ITGB2: variants seen among roughly 807,000 people sequenced by gnomAD.
ITGB2 encodes integrin beta-2.
In ITGB2, 56 loss-of-function variants were observed where a neutral mutation model predicts 86.8. The ratio of observed to expected loss-of-function variants is 0.65; its 90% CI spans 0.52 to 0.81. ITGB2 has a LOEUF of 0.81. Ranked by LOEUF, ITGB2 falls within the 30% of genes least tolerant of loss-of-function variation. The probability of loss-of-function intolerance (pLI) is 0.00; values close to 1 mark genes in which losing one functional copy is unlikely to be tolerated. For missense variants in ITGB2, 948 were observed against 1,061.2 expected, an observed-to-expected ratio of 0.89 and a Z score of 1.48; for synonymous variants, 457 against 450.4, an observed-to-expected ratio of 1.01 and a Z score of -0.19.
At chr21:44,915,433 C>G (rs1469674444) in intron 1 of ITGB2, among the ~76,000 whole-genome samples, 1 of 152,186 alleles carries the variant, frequency 6.6e-6, no homozygotes, top group African/African-American at 2.4e-5. Flanking sequence ...CCTGCCTGTG[C>G]TGAAACCCAC....
At chr21:44,897,146 C>G (rs769155378) in intron 8 of ITGB2, among the ~76,000 whole-genome samples, 3 of 152,224 alleles carry the variant, frequency 2.0e-5, no homozygotes, top group Non-Finnish European at 4.4e-5. Context: ...GGTCCTGCTC[C>G]CACTCCAGAG....
At chr21:44,917,867 C>T (rs769063973) in intron 1 of ITGB2, among the ~76,000 whole-genome samples, 2 of 152,240 alleles carry the variant, frequency 1.3e-5, no homozygotes, top group African/African-American at 2.4e-5. Flanking sequence ...CTCTCAGACC[C>T]TGAATGGCCG....
intron 1 of ITGB2, among the ~76,000 whole-genome samples, chr21:44,916,282 C>G (rs1029130258): frequency 6.6e-6 from 1 of 151,230 alleles, no homozygotes. Context: ...AGACACCCCA[C>G]CCCCCCGACA....
At chr21:44,911,718 G>T (rs1339211815) in intron 1 of ITGB2, among the ~76,000 whole-genome samples, 1 of 152,222 alleles carries the variant, frequency 6.6e-6, no homozygotes, top group Non-Finnish European at 1.5e-5. Context: ...TCCACAGCCA[G>T]GGGCGGCTCA....
At chr21:44,910,403 G>A (rs377614767) in intron 2 of ITGB2, 31 bp from the exon 3 acceptor site, 58 of 1,613,714 alleles carry the variant, frequency 3.6e-5, no homozygotes, top group Non-Finnish European at 4.7e-5. Context: ...GTGAGTGGGT[G>A]CTCTGGGCCG....
intron 1 of ITGB2, chr21:44,927,621 C>T (rs1278904980): frequency 6.6e-6 from 1 of 152,386 alleles, no homozygotes; most frequent in Non-Finnish European, 1.5e-5. Context: ...CTTCTTCCCC[C>T]CAGTGACTTC....
chr21:44,899,305 C>T (rs112104886), intron 7 of ITGB2, 143 bp from the exon 8 acceptor site: 54 of 699,158 alleles, frequency 7.7e-5, no homozygotes, highest in African/African-American at 4.4e-4. Context: ...GAGGCTGCCA[C>T]GCAGGAGTGC....
In ITGB2 at chr21:44,886,367, C is replaced by T. The variant is rs368180990; in HGVS notation, c.*1G>A. On this transcript the variant is annotated 3_prime_UTR_variant, in exon 16 of 16. Coordinates refer to ENST00000652462, the MANE Select transcript of ITGB2 (RefSeq NM_000211.5). ...GACGGCCTTGTCTTCACCAAGTGCTCCTAACTCTCAGCAAACTTGGGGTTC... is the reference window on the plus strand; with the variant it reads ...GACGGCCTTGTCTTCACCAAGTGCTTCTAACTCTCAGCAAACTTGGGGTTC... 21 of 1,613,932 alleles carry T rather than the reference C, an allele frequency of 1.3e-5. No homozygotes were observed. Among genetic ancestry groups the T allele is most frequent in the Middle Eastern group, 1.6e-4 (1 of 6,080 alleles).
chr21:44,919,017 GGAGGCACCTGCA>G (rs1568909650), intron 1 of ITGB2, among the ~76,000 whole-genome samples: 2 of 144,522 alleles, frequency 1.4e-5, no homozygotes. Flanking sequence ...CCCAGCACTC[GGAGGCACCTGCA>G]GTTGCTCAGC....
chr21:44,916,735 G>A (rs749365950), intron 1 of ITGB2, among the ~76,000 whole-genome samples: 2 of 152,016 alleles, frequency 1.3e-5, no homozygotes, highest in African/African-American at 2.4e-5. Flanking sequence ...GGGCTTGGTG[G>A]CGGGCGCCTG....
Position 44,893,445 on chromosome 21 carries a change from G to C in ITGB2, c.1183C>G (p.Gln395Glu). Residue 395 changes from glutamine to glutamate, a missense_variant, in exon 10 of 16, where the codon CAG becomes GAG. Physicochemically the swap from Gln to Glu is conservative, Grantham distance 29 (BLOSUM62 2). Coordinates refer to ENST00000652462, the MANE Select transcript of ITGB2 (RefSeq NM_000211.5). ...FCSNGVTHRN[Q>E]PRGDCDGVQI... ...ACGCCATCACAGTCACCTCTGGGCT[G>C]GTTCCTGTGCGTCACTCCATTGCTG... The C allele has an allele frequency of 6.2e-7, 1 of 1,614,186 alleles. No individual in the cohort carries two copies. The highest frequency in any genetic ancestry group is 8.5e-7 in the Non-Finnish European group (1 of 1,180,034).
intron 3 of ITGB2, chr21:44,908,063 G>T (rs777409286): frequency 7.0e-6 from 5 of 717,610 alleles, no homozygotes; most frequent in Non-Finnish European, 1.3e-5. Flanking sequence ...CCTGACCAAG[G>T]TAGTTTCCAC....
In ITGB2 at chr21:44,889,965, C is replaced by A. The variant is rs1477809480; in HGVS notation, c.1657+13G>T. On this transcript the variant is annotated intron_variant, in intron 12 of 15. Coordinates refer to ENST00000652462, the MANE Select transcript of ITGB2 (RefSeq NM_000211.5). ...CAGGACGGCCGTTGTCCAGCAGGGA[C>A]CCACGGGCTCACCCGGGCCGCCGCA... is the stretch of plus-strand genomic sequence containing the variant. 3 of 1,612,826 alleles carry A rather than the reference C, an allele frequency of 1.9e-6. No individual in the cohort carries two copies. The highest frequency in any genetic ancestry group is 1.7e-5 in the Admixed American group (1 of 60,018).
intron 10 of ITGB2, 40 bp from the exon 11 acceptor site, chr21:44,892,036 G>A: frequency 6.3e-7 from 1 of 1,593,290 alleles, no homozygotes; most frequent in Non-Finnish European, 8.5e-7. Context: ...ACCCTCGGTG[G>A]CCAGGGTGGC....
rs1190100106 is a variant in ITGB2, at chr21:44,889,256, C to G, written c.1877+20G>C. 1.2e-6 allele frequency: 2 copies of G among 1,610,452 alleles called. No homozygotes were observed. The highest frequency in any genetic ancestry group is 1.7e-5 in the Admixed American group (1 of 59,972). ...GGAGTGGGGATCCCTGCCCGCCCTG[C>G]CTGCTCCGCCTGCACTCACATGTAC... On this transcript the variant is annotated intron_variant, in intron 13 of 15. Coordinates refer to ENST00000652462, the MANE Select transcript of ITGB2 (RefSeq NM_000211.5).
upstream of ITGB2, among the ~76,000 whole-genome samples, chr21:44,923,529 T>C (rs1480337869): frequency 2.0e-5 from 3 of 152,204 alleles, no homozygotes; most frequent in African/African-American, 7.2e-5. Flanking sequence ...AGTTGATTAT[T>C]TTTGAAGCCA....
chr21:44,903,933 G>C (rs1001135624), intron 4 of ITGB2, among the ~76,000 whole-genome samples: 1 of 152,114 alleles, frequency 6.6e-6, no homozygotes, highest in Non-Finnish European at 1.5e-5. Flanking sequence ...GGCATCACAC[G>C]AACCTGGCAC....
chr21:44,925,826 C>T (rs143464780), upstream of ITGB2, among the ~76,000 whole-genome samples: 5,432 of 152,272 alleles, frequency 0.036, 302 homozygotes, highest in African/African-American at 0.12. Context: ...CGCCTGTAAT[C>T]CCAGCACTTT....
In ITGB2 at chr21:44,900,736, C is replaced by T. The variant is rs575412647; in HGVS notation, c.742-261G>A. ...AAAGGCAAGGAGAGAGACACGGCTG[C>T]GGTCCCTGCACTTCAGAGCTGGGAA... On this transcript the variant is annotated intron_variant, in intron 6 of 15. Transcript: ENST00000652462. Among the ~76,000 whole-genome samples, 3 of 152,302 alleles carry T rather than the reference C, an allele frequency of 2.0e-5. 1 individual carries two copies. The highest frequency in any genetic ancestry group is 3.9e-4 in the East Asian group (2 of 5,180).
Sources: allele counts gnomAD v4.1 joint callset (sites outside exome capture counted in the v4.1 genomes callset), GRCh38; gene constraint gnomAD v4.1.1; transcripts MANE v1.5; gene names NCBI Gene and HGNC (gene_info 2026-07-23, HGNC 2026-07-21).